The following DEUP1 variants were observed in gnomAD, a reference collection of about 807,000 sequenced individuals.
DEUP1 encodes deuterosome assembly protein 1.
A neutral mutation model predicts 87.4 loss-of-function variants in DEUP1; 82 were observed. The ratio of observed to expected loss-of-function variants is 0.94; its 90% CI spans 0.78 to 1.13. The LOEUF is 1.13. Among genes scored for constraint, DEUP1 ranks in the 50% most tolerant of loss-of-function variants. The pLI, the probability that DEUP1 is intolerant of heterozygous loss-of-function variation, is 0.00. For synonymous variants in DEUP1, 214 were observed against 222.7 expected, an observed-to-expected ratio of 0.96 and a Z score of 0.35; for missense variants, 663 against 681.5, an observed-to-expected ratio of 0.97 and a Z score of 0.30.
chr11:93,420,496 C>T (rs1947841525), intron 13 of DEUP1, among the ~76,000 whole-genome samples: 1 of 150,212 alleles, frequency 6.7e-6, no homozygotes, highest in South Asian at 2.1e-4. Context: ...CCTTTGAAAA[C>T]TGGCACAAGA....
chr11:93,427,500 T>G (rs1947959623), intron 13 of DEUP1, among the ~76,000 whole-genome samples: 1 of 152,006 alleles, frequency 6.6e-6, no homozygotes, highest in African/African-American at 2.4e-5. Context: ...AGTTAAATGT[T>G]AGACCTAAAA....
chr11:93,331,335 T>C (rs1203221151), intron 1 of DEUP1, among the ~76,000 whole-genome samples: 1 of 152,030 alleles, frequency 6.6e-6, no homozygotes, highest in Non-Finnish European at 1.5e-5. Flanking sequence ...CATAGATTAT[T>C]TTTTAACTAA....
chr11:93,371,010 T>C (rs201269271), intron 6 of DEUP1, 28 bp from the exon 7 acceptor site: 29 of 1,579,456 alleles, frequency 1.8e-5, no homozygotes, highest in Middle Eastern at 1.8e-4. Context: ...ATTCTTCATT[T>C]GAGTTACACA....
chr11:93,352,307 A>C (rs1944664181), intron 2 of DEUP1: 3 of 700,556 alleles, frequency 4.3e-6, no homozygotes, highest in Non-Finnish European at 7.8e-6. Flanking sequence ...CCTTAGGCTG[A>C]AGTGTAAGAC....
chr11:93,384,317 A>G (rs1946435802), intron 7 of DEUP1, among the ~76,000 whole-genome samples: 1 of 152,218 alleles, frequency 6.6e-6, no homozygotes, highest in South Asian at 2.1e-4. Flanking sequence ...GAGAAAATAG[A>G]AGCCAAGAGA....
chr11:93,364,933 C>T (rs1247725100), intron 5 of DEUP1, among the ~76,000 whole-genome samples: 1 of 152,042 alleles, frequency 6.6e-6, no homozygotes, highest in African/African-American at 2.4e-5. Flanking sequence ...AACAAACCAG[C>T]TATTTTTCTT....
intron 11 of DEUP1, among the ~76,000 whole-genome samples, chr11:93,407,132 C>T (rs796864949): frequency 1.3e-5 from 2 of 151,654 alleles, no homozygotes; most frequent in African/African-American, 4.8e-5. Context: ...CCAGTGATCC[C>T]ACTCCTTGGA....
chr11:93,370,221 C>G, intron 6 of DEUP1, 35 bp downstream of exon 6: 4 of 1,107,526 alleles, frequency 3.6e-6, no homozygotes, highest in Non-Finnish European at 5.3e-6. Context: ...AAATCAAAAG[C>G]AGAAGTTAAA....
chr11:93,437,164 G>T (rs1196724764), intron 13 of DEUP1, among the ~76,000 whole-genome samples: 3 of 152,160 alleles, frequency 2.0e-5, no homozygotes, highest in African/African-American at 7.2e-5. Flanking sequence ...ACTGTCTAGT[G>T]CAATTCCACT....
intron 2 of DEUP1, among the ~76,000 whole-genome samples, chr11:93,339,606 G>C (rs1316476862): frequency 6.6e-6 from 1 of 152,118 alleles, no homozygotes; most frequent in African/African-American, 2.4e-5. Flanking sequence ...AATGGCCCAG[G>C]GACTCAGGAA....
At chr11:93,374,027 A>G (rs1945907469) in intron 7 of DEUP1, among the ~76,000 whole-genome samples, 1 of 152,206 alleles carries the variant, frequency 6.6e-6, no homozygotes, top group Admixed American at 6.5e-5. Flanking sequence ...CATTTCCCTG[A>G]TCATTAGTGA....
rs117175425 is a variant in DEUP1, at chr11:93,342,951, A to G, written c.29+10663A>G. Among the ~76,000 whole-genome samples the G allele has an allele frequency of 1.6e-4, 25 of 152,260 alleles. No homozygotes were observed. In the East Asian group the frequency reaches 4.6e-3, roughly 28 times the overall value. ...CAGTTAAAGAGATGGAATGGACTGG[A>G]GTGGAGGCAGGTTTGTGGTGCAGGG... is the stretch of plus-strand genomic sequence containing the variant. On this transcript the variant is annotated intron_variant, in intron 2 of 13. Transcript: ENST00000298050.
intron 2 of DEUP1, among the ~76,000 whole-genome samples, chr11:93,343,127 G>T (rs1421389097): frequency 6.6e-6 from 1 of 152,184 alleles, no homozygotes; most frequent in Non-Finnish European, 1.5e-5. Flanking sequence ...AGAGCTAGCT[G>T]GCATAAGAAT....
intron 5 of DEUP1, among the ~76,000 whole-genome samples, chr11:93,369,245 A>G (rs896187770): frequency 6.6e-6 from 1 of 152,062 alleles, no homozygotes; most frequent in East Asian, 1.9e-4. Context: ...TTACCTCCCA[A>G]AGGCCCCATT....
chr11:93,353,286 C>A lies in DEUP1; in HGVS notation c.30-2085C>A, dbSNP rs965759836. 3.3e-5 allele frequency among the ~76,000 whole-genome samples: 5 copies of A among 152,204 alleles called. No individual in the cohort carries two copies. In the East Asian group the frequency reaches 9.6e-4, roughly 29 times the overall value. ...TCTCCTATGACTTCAGGTCTCACAT[C>A]CAGGTCATGCTGATGCAAAAGGTGG... is the stretch of plus-strand genomic sequence containing the variant. On this transcript the variant is annotated intron_variant, in intron 2 of 13. Coordinates refer to ENST00000298050, the MANE Select transcript of DEUP1 (RefSeq NM_181645.4).
intron 2 of DEUP1, among the ~76,000 whole-genome samples, chr11:93,343,191 G>A (rs1245657093): frequency 1.3e-5 from 2 of 150,378 alleles, no homozygotes; most frequent in Admixed American, 6.6e-5. Context: ...TTAAAACGTT[G>A]TCTAGATTAG....
chr11:93,365,465 T>C (rs1945367741), intron 5 of DEUP1, among the ~76,000 whole-genome samples: 1 of 152,148 alleles, frequency 6.6e-6, no homozygotes, highest in African/African-American at 2.4e-5. Flanking sequence ...TGCCGATAGA[T>C]GTGCACTGTA....
intron 6 of DEUP1, 94 bp downstream of exon 6, chr11:93,370,280 C>A: frequency 3.3e-6 from 2 of 601,482 alleles, no homozygotes; most frequent in Non-Finnish European, 5.3e-6. Flanking sequence ...AACAGACATG[C>A]CAACTAAGAA....
rs571642068 is a variant in DEUP1 at position 93,377,186 on chromosome 11, G to A, written c.789+5906G>A. ...TTCTTGGTTGACTTTCTGTCTTGAT[G>A]ACCTGTCTAGTGCTGTCAGTGGAGT... is the stretch of plus-strand genomic sequence containing the variant. On this transcript the variant is annotated intron_variant, in intron 7 of 13. Coordinates refer to ENST00000298050, the MANE Select transcript of DEUP1 (RefSeq NM_181645.4). Among the ~76,000 whole-genome samples the A allele has an allele frequency of 5.2e-3, 796 of 152,236 alleles. 3 individuals carry two copies. The highest frequency in any genetic ancestry group is 0.018 in the African/African-American group (751 of 41,536).
Sources: gnomAD v4.1 joint callset for allele counts (sites outside exome capture counted in the v4.1 genomes callset) on GRCh38, gnomAD v4.1.1 for gene constraint, MANE v1.5 for transcripts, NCBI Gene and HGNC (gene_info 2026-07-23, HGNC 2026-07-21) for gene names.